DNAH14: variants seen among roughly 807,000 people sequenced by gnomAD.
The protein encoded by DNAH14 is dynein axonemal heavy chain 14.
DNAH14 carries 478 observed loss-of-function variants against 520.9 expected under a neutral mutation model. The observed-to-expected ratio is 0.92, with a 90% confidence interval of 0.85 to 0.99. The LOEUF (loss-of-function observed/expected upper bound fraction) is 0.99, where lower values mean the gene tolerates loss of function less well. Among genes scored for constraint, DNAH14 ranks in the 50% least tolerant of loss-of-function variants. DNAH14 has a pLI of 0.00. For missense variants in DNAH14, 4,831 were observed against 5,234.5 expected, an observed-to-expected ratio of 0.92 and a Z score of 2.38; for synonymous variants, 1,581 against 1,757.2, an observed-to-expected ratio of 0.90 and a Z score of 2.51.
At chr1:225,277,602 GTGAAAAATCACAATAAC>G (rs1389906457) in intron 54 of DNAH14, 100 bp downstream of exon 54, 2 of 414,484 alleles carry the variant, frequency 4.8e-6, no homozygotes, top group Non-Finnish European at 1.0e-5. Context: ...GCCACACTTT[GTGAAAAATCACAATAAC>G]TGAGTCATAG....
intron 12 of DNAH14, among the ~76,000 whole-genome samples, chr1:225,039,877 C>CAAAA (rs1194328076): frequency 4.1e-5 from 2 of 48,990 alleles, no homozygotes; most frequent in African/African-American, 1.6e-4. Context: ...GACTCCGTCT[C>CAAAA]AAAAAAAAAA....
intron 17 of DNAH14, among the ~76,000 whole-genome samples, chr1:225,056,723 G>A (rs554916141): frequency 6.6e-6 from 1 of 152,102 alleles, no homozygotes; most frequent in African/African-American, 2.4e-5. Flanking sequence ...TGTAAGGAAG[G>A]GATCCAGTTT....
intron 69 of DNAH14, among the ~76,000 whole-genome samples, chr1:225,344,223 CTTT>C (rs35070108): frequency 6.4e-5 from 9 of 140,526 alleles, no homozygotes; most frequent in Non-Finnish European, 7.8e-5. Context: ...TAAAACTGGG[CTTT>C]TTTTTTTTTT....
intron 4 of DNAH14, 148 bp downstream of exon 4, chr1:224,960,450 G>T: frequency 1.1e-6 from 1 of 881,554 alleles, no homozygotes; most frequent in Non-Finnish European, 1.6e-6. Context: ...TTATTACAAT[G>T]CTTTTAAAAT....
intron 66 of DNAH14, among the ~76,000 whole-genome samples, chr1:225,335,977 A>G (rs1246985898): frequency 6.8e-6 from 1 of 146,196 alleles, no homozygotes; most frequent in Admixed American, 6.8e-5. Context: ...ATATGTACAT[A>G]TGTGTATATA....
In DNAH14 at chr1:224,955,062, A is replaced by G; in HGVS notation, c.181A>G (p.Thr61Ala). The change falls in exon 3 of 86, where the codon ACA (threonine) becomes GCA (alanine). Residue 61 changes from threonine (T) to alanine (A), a missense_variant. Physicochemically the swap from Thr to Ala is moderately conservative, Grantham distance 58. Coordinates refer to ENST00000682510, the MANE Select transcript of DNAH14 (RefSeq NM_001367479.1). ...AACATTGGAATATAAAACAGTTAGA[A>G]CATTCTCTGAATCTTTGAAGTCAGA... is the stretch of plus-strand genomic sequence containing the variant. ...KETLEYKTVR[T>A]FSESLKSEKT... 6.2e-7 allele frequency: 1 copy of G among 1,611,556 alleles called. No individual in the cohort carries two copies. The highest frequency in any genetic ancestry group is 8.5e-7 in the Non-Finnish European group (1 of 1,178,432).
intron 9 of DNAH14, among the ~76,000 whole-genome samples, chr1:225,006,260 A>T (rs2064160665): frequency 6.6e-6 from 1 of 152,156 alleles, no homozygotes; most frequent in African/African-American, 2.4e-5. Flanking sequence ...TGATTGCGTT[A>T]TCTGTACAAA....
Position 225,144,475 on chromosome 1 carries a change from T to C in DNAH14, c.4587T>C (p.Tyr1529=). The C allele has an allele frequency of 6.4e-7, 1 of 1,551,642 alleles. No homozygotes were observed. Among genetic ancestry groups the C allele is most frequent in the Non-Finnish European group, 8.7e-7 (1 of 1,146,986 alleles). Residue 1529 remains tyrosine (Y), a synonymous_variant, in exon 29 of 86, where the codon TAT becomes TAC. Coordinates refer to ENST00000682510, the MANE Select transcript of DNAH14 (RefSeq NM_001367479.1). ...SQGNASFTYG[Y]EYLGCTSRLV... is the part of the protein sequence containing the mutation. ...GAAATGCCAGCTTTACTTATGGCTA[T>C]GAGTACTTGGGCTGTACCTCAAGAT...
At chr1:225,227,815 A>G (rs778402726) in intron 41 of DNAH14, among the ~76,000 whole-genome samples, 5 of 152,190 alleles carry the variant, frequency 3.3e-5, no homozygotes, top group Non-Finnish European at 7.3e-5. Flanking sequence ...CAATTATATT[A>G]CGAACGTTAT....
intron 21 of DNAH14, among the ~76,000 whole-genome samples, chr1:225,096,474 A>C (rs1385782983): frequency 6.6e-6 from 1 of 152,064 alleles, no homozygotes; most frequent in African/African-American, 2.4e-5. Context: ...CTGGTTTCCA[A>C]ATAAGCCTTT....
chr1:225,392,756 G>A (rs2095936877), intron 84 of DNAH14, among the ~76,000 whole-genome samples: 1 of 152,198 alleles, frequency 6.6e-6, no homozygotes, highest in South Asian at 2.1e-4. Context: ...GCATCAAAAG[G>A]TGATATTTTA....
At chr1:225,362,841 A>T (rs181513558) in intron 75 of DNAH14, among the ~76,000 whole-genome samples, 1 of 152,238 alleles carries the variant, frequency 6.6e-6, no homozygotes, top group Non-Finnish European at 1.5e-5. Context: ...TATGTTCACA[A>T]CATATTGCTA....
chr1:225,335,141 A>ACATGTGTACATGTGTGCATGTGTG (rs1333150405), intron 66 of DNAH14, among the ~76,000 whole-genome samples: 6 of 123,156 alleles, frequency 4.9e-5, no homozygotes, highest in East Asian at 4.8e-4. Context: ...GTGCATGTGC[A>ACATGTGTACATGTGTGCATGTGTG]CATGTGTACA....
intron 69 of DNAH14, 121 bp from the exon 70 acceptor site, chr1:225,345,841 C>CT: frequency 1.3e-6 from 1 of 741,628 alleles, no homozygotes; most frequent in Non-Finnish European, 2.1e-6. Context: ...GAGCCCGTCT[C>CT]TGACATAAAG....
intron 1 of DNAH14, among the ~76,000 whole-genome samples, chr1:224,946,199 C>A (rs55752383): frequency 0.055 from 8,368 of 152,188 alleles, 466 homozygotes; most frequent in East Asian, 0.23. Flanking sequence ...ATTATGGGCG[C>A]CCCTCCCTCA....
intron 7 of DNAH14, chr1:224,969,748 A>G: frequency 5.1e-6 from 1 of 195,006 alleles, no homozygotes; most frequent in Non-Finnish European, 1.0e-5. Context: ...ATAATTTCTT[A>G]CACCTGTCTT....
intron 58 of DNAH14, among the ~76,000 whole-genome samples, chr1:225,306,778 A>G (rs2094253209): frequency 6.6e-6 from 1 of 151,570 alleles, no homozygotes; most frequent in Admixed American, 6.6e-5. Flanking sequence ...AAGAGCTATC[A>G]CCTTATATGC....
intron 27 of DNAH14, among the ~76,000 whole-genome samples, chr1:225,133,134 T>G (rs771676013): frequency 6.6e-6 from 1 of 152,152 alleles, no homozygotes; most frequent in East Asian, 1.9e-4. Flanking sequence ...CTTTGTCAGA[T>G]GGAGAGATTG....
chr1:224,987,670 G>A lies in DNAH14; in HGVS notation c.830+13517G>A, dbSNP rs551458654. ...GAGATGGAGTCTTGCACTGTCACCC[G>A]GGCTGGTGTGCAGTGGTGCAATCTC... On this transcript the variant is annotated intron_variant, in intron 8 of 85. Coordinates refer to ENST00000682510, the MANE Select transcript of DNAH14 (RefSeq NM_001367479.1). Among the ~76,000 whole-genome samples, 20 of 152,038 alleles carry A rather than the reference G, an allele frequency of 1.3e-4. 2 individuals are homozygous for A. The highest frequency in any genetic ancestry group is 1.9e-4 in the East Asian group (1 of 5,158).
Sources: gnomAD v4.1 joint callset for allele counts (sites outside exome capture counted in the v4.1 genomes callset) on GRCh38, gnomAD v4.1.1 for gene constraint, MANE v1.5 for transcripts, NCBI Gene and HGNC (gene_info 2026-07-23, HGNC 2026-07-21) for gene names.